The following PYY variants were observed in gnomAD, a reference collection of about 807,000 sequenced individuals.
PYY encodes the protein peptide tyrosine tyrosine.
A neutral mutation model predicts 10.3 loss-of-function variants in PYY; 12 were observed. That is an observed-to-expected ratio of 1.17 (90% CI 0.75 to 1.89). PYY has a LOEUF of 1.89. Ranked by LOEUF, PYY falls within the 40% of genes most tolerant of loss-of-function variation. The probability of loss-of-function intolerance (pLI) is 0.00; values close to 1 mark genes in which losing one functional copy is unlikely to be tolerated. For missense variants in PYY, 141 were observed against 134.0 expected (o/e 1.05, Z -0.26); for synonymous variants, 66 against 62.0 (o/e 1.06, Z -0.30).
At chr17:43,964,349 CCA>C (rs1415873717) in intron 2 of PYY, among the ~76,000 whole-genome samples, 1 of 152,158 alleles carries the variant, frequency 6.6e-6, no homozygotes, top group Non-Finnish European at 1.5e-5. Context: ...AATATTATGC[CCA>C]TAAGCTTTTC....
intron 1 of PYY, among the ~76,000 whole-genome samples, chr17:43,996,338 C>T (rs185770389): frequency 3.0e-4 from 46 of 152,312 alleles, no homozygotes; most frequent in Non-Finnish European, 4.3e-4. Flanking sequence ...GTCCCAGCTC[C>T]AGCCATCATC....
At position 43,987,670 on chromosome 17, in the gene PYY, C is replaced by A. The variant is rs994427846; in HGVS notation, c.-463+16721G>T. 2.0e-5 allele frequency among the ~76,000 whole-genome samples: 3 copies of A among 152,348 alleles called. No homozygotes were observed. Among genetic ancestry groups the A allele is most frequent in the Admixed American group, 1.3e-4 (2 of 15,298 alleles). On this transcript the variant is annotated intron_variant, in intron 1 of 6. Coordinates refer to the PYY transcript ENST00000360085. This position sits in a 1 kb window ranked among gnomAD's most constrained non-coding sequence, Gnocchi z 4.0. ...CCATTTCTTCCCTTTGTTCATCCAA[C>A]CAACATTCACTGGGCCCCTCGTCTG... is the stretch of plus-strand genomic sequence containing the variant.
At chr17:43,995,632 A>C (rs1235241700) in intron 1 of PYY, among the ~76,000 whole-genome samples, 1 of 152,034 alleles carries the variant, frequency 6.6e-6, no homozygotes, top group African/African-American at 2.4e-5. Context: ...TCAGGAGTTC[A>C]AGACCAGCCT....
chr17:43,978,692 A>G (rs1376581591), intron 1 of PYY, among the ~76,000 whole-genome samples: 1 of 152,198 alleles, frequency 6.6e-6, no homozygotes, highest in Admixed American at 6.5e-5. Flanking sequence ...GAACTTCTCT[A>G]TAGGACTTGC....
chr17:43,968,580 G>A (rs1178279959), intron 1 of PYY, among the ~76,000 whole-genome samples: 1 of 152,220 alleles, frequency 6.6e-6, no homozygotes, highest in African/African-American at 2.4e-5. Flanking sequence ...GGGAGACTGA[G>A]GCAGATGGAT....
chr17:43,973,136 C>A (rs1401508549), intron 1 of PYY, among the ~76,000 whole-genome samples: 1 of 151,900 alleles, frequency 6.6e-6, no homozygotes, highest in Non-Finnish European at 1.5e-5. Flanking sequence ...CAGCACTCTG[C>A]CAAAAAAGTC....
At chr17:43,954,465 T>A (rs1597841368), upstream of PYY, among the ~76,000 whole-genome samples, 1 of 152,138 alleles carries the variant, frequency 6.6e-6, no homozygotes, top group Non-Finnish European at 1.5e-5. Context: ...GGAGGCAGGG[T>A]GGGAGCACCT....
At chr17:43,996,419 G>A (rs982333939) in intron 1 of PYY, among the ~76,000 whole-genome samples, 1 of 152,150 alleles carries the variant, frequency 6.6e-6, no homozygotes, top group African/African-American at 2.4e-5. Context: ...CTCATGGAGA[G>A]CATCCATGAG....
At chr17:43,975,528 C>T (rs952355448) in intron 1 of PYY, among the ~76,000 whole-genome samples, 2 of 151,200 alleles carry the variant, frequency 1.3e-5, no homozygotes, top group African/African-American at 2.4e-5. Flanking sequence ...GGCAACATAG[C>T]GAAATCTTGT....
intron 1 of PYY, among the ~76,000 whole-genome samples, chr17:43,970,574 T>C (rs563456992): frequency 6.6e-6 from 1 of 150,946 alleles, no homozygotes; most frequent in East Asian, 1.9e-4. Context: ...TGGAACAGAA[T>C]AGACAGTACA....
chr17:43,963,765 C>T (rs542206824), intron 2 of PYY, among the ~76,000 whole-genome samples: 2 of 150,832 alleles, frequency 1.3e-5, no homozygotes, highest in African/African-American at 2.4e-5. Flanking sequence ...CCCAGGAGTT[C>T]GAGACTAGAC....
upstream of PYY, among the ~76,000 whole-genome samples, chr17:43,955,921 G>A (rs926052019): frequency 1.3e-5 from 2 of 151,994 alleles, no homozygotes; most frequent in Admixed American, 6.6e-5. Flanking sequence ...CGGGGGCAAG[G>A]ATACCAGAGA....
intron 1 of PYY, among the ~76,000 whole-genome samples, chr17:43,993,705 GT>G (rs1328110139): frequency 1.1e-4 from 16 of 152,200 alleles, no homozygotes; most frequent in East Asian, 9.6e-4. Flanking sequence ...ATACAGCCAT[GT>G]TTTTAAGTGT....
intron 1 of PYY, among the ~76,000 whole-genome samples, chr17:43,988,705 T>C (rs1292210499): frequency 1.3e-5 from 2 of 152,160 alleles, no homozygotes; most frequent in African/African-American, 2.4e-5. Flanking sequence ...ACATCTTTTT[T>C]TCTTTTTAGT....
intron 1 of PYY, among the ~76,000 whole-genome samples, chr17:44,004,153 C>T (rs1303376456): frequency 6.6e-6 from 1 of 152,026 alleles, no homozygotes; most frequent in East Asian, 1.9e-4. Flanking sequence ...TTGGCAAACC[C>T]TGGTAACCTC....
chr17:43,992,167 G>A (rs1312923627), intron 1 of PYY, among the ~76,000 whole-genome samples: 1 of 148,756 alleles, frequency 6.7e-6, no homozygotes, highest in Non-Finnish European at 1.5e-5. Flanking sequence ...TCCCTCTTCT[G>A]AATATTTATC....
intron 1 of PYY, among the ~76,000 whole-genome samples, chr17:44,001,849 G>A (rs2049029334): frequency 6.6e-6 from 1 of 152,200 alleles, no homozygotes; most frequent in Non-Finnish European, 1.5e-5. Context: ...ATTCTGAGTG[G>A]AGAGGGGTCA....
At chr17:43,990,607 C>A (rs983366114) in intron 1 of PYY, among the ~76,000 whole-genome samples, 12 of 151,872 alleles carry the variant, frequency 7.9e-5, no homozygotes, top group African/African-American at 2.9e-4. Flanking sequence ...TACATGCAAT[C>A]GGGAGATACA....
At chr17:43,957,386 G>T (rs1221625211), upstream of PYY, among the ~76,000 whole-genome samples, 1 of 151,868 alleles carries the variant, frequency 6.6e-6, no homozygotes, top group Non-Finnish European at 1.5e-5. Context: ...GGCTGGGTGC[G>T]GTGGCTCACG....
Sources: gnomAD v4.1 joint callset for allele counts (sites outside exome capture counted in the v4.1 genomes callset) on GRCh38, gnomAD v4.1.1 for gene constraint, Gnocchi (gnomAD v3.1) non-coding constraint, MANE v1.5 for transcripts, NCBI Gene and HGNC (gene_info 2026-07-23, HGNC 2026-07-21) for gene names.